The following SNX27 variants were observed in gnomAD, a reference collection of about 807,000 sequenced individuals.
SNX27 encodes the protein sorting nexin 27.
A neutral mutation model predicts 71.6 loss-of-function variants in SNX27; 22 were observed. The ratio of observed to expected loss-of-function variants is 0.31; its 90% CI spans 0.22 to 0.44. The LOEUF (loss-of-function observed/expected upper bound fraction) is 0.44. SNX27 is among the 20% of genes least tolerant of loss of function. SNX27 has a pLI of 1.00. For synonymous variants in SNX27, 269 were observed against 277.2 expected, an observed-to-expected ratio of 0.97 and a Z score of 0.29; for missense variants, 531 against 698.6, an observed-to-expected ratio of 0.76 and a Z score of 2.70.
At chr1:151,693,977 T>A in intron 11 of SNX27, 6 of 1,236,356 alleles carry the variant, frequency 4.9e-6, no homozygotes, top group Non-Finnish European at 6.1e-6. Context: ...AATTAGTTAC[T>A]TATTCTCAAA....
chr1:151,646,420 T>C (rs1669034110), intron 2 of SNX27, among the ~76,000 whole-genome samples: 1 of 151,850 alleles, frequency 6.6e-6, no homozygotes, highest in South Asian at 2.1e-4. Context: ...TCATTATTTA[T>C]TTTTTTCCTC....
intron 1 of SNX27, among the ~76,000 whole-genome samples, chr1:151,617,779 A>T (rs1229399467): frequency 6.6e-6 from 1 of 152,144 alleles, no homozygotes; most frequent in Non-Finnish European, 1.5e-5. Context: ...ATTTTATAAG[A>T]CAGGAAATGG....
intron 4 of SNX27, among the ~76,000 whole-genome samples, chr1:151,661,913 G>A (rs534577083): frequency 6.6e-6 from 1 of 152,190 alleles, no homozygotes; most frequent in Non-Finnish European, 1.5e-5. Flanking sequence ...ACTGTTTCAC[G>A]CAAGTTTCCT....
intron 1 of SNX27, among the ~76,000 whole-genome samples, chr1:151,634,980 G>T (rs1668404350): frequency 6.6e-6 from 1 of 152,152 alleles, no homozygotes; most frequent in African/African-American, 2.4e-5. Flanking sequence ...AAGAGAATTG[G>T]TGCTTCACTG....
At chr1:151,623,271 G>C (rs1167021872) in intron 1 of SNX27, among the ~76,000 whole-genome samples, 1 of 152,208 alleles carries the variant, frequency 6.6e-6, no homozygotes, top group Non-Finnish European at 1.5e-5. Context: ...CTCCCGAGTA[G>C]CTGGGACTAC....
chr1:151,652,905 C>T (rs1488369206), intron 2 of SNX27, among the ~76,000 whole-genome samples: 1 of 148,946 alleles, frequency 6.7e-6, no homozygotes, highest in African/African-American at 2.5e-5. Flanking sequence ...ACTGTTTTAT[C>T]TCTTGACATA....
intron 8 of SNX27, among the ~76,000 whole-genome samples, chr1:151,683,710 AG>A (rs1671069863): frequency 6.6e-6 from 1 of 152,120 alleles, no homozygotes; most frequent in African/African-American, 2.4e-5. Context: ...TCTGTTGCCC[AG>A]GCTGAAGTGC....
intron 11 of SNX27, 131 bp from the exon 12 acceptor site, chr1:151,694,239 G>A (rs1671596645): frequency 2.0e-6 from 3 of 1,466,506 alleles, no homozygotes; most frequent in Non-Finnish European, 2.7e-6. Flanking sequence ...TAGATGAGAA[G>A]TTATATCAAG....
Position 151,612,528 on chromosome 1 carries a change from A to ACCCGCCGCCCCATCCTC in SNX27, c.311+22_311+38dup, listed in dbSNP as rs2102579318. 1 of 1,337,414 alleles carries ACCCGCCGCCCCATCCTC rather than the reference A, an allele frequency of 7.5e-7. No individual in the cohort carries two copies. Among genetic ancestry groups the ACCCGCCGCCCCATCCTC allele is most frequent in the African/African-American group, 1.5e-5 (1 of 65,278 alleles). The allele number at this position is 1,337,414 out of a possible 1,614,324, so 82.8% of individuals were successfully genotyped here. A position where few individuals can be genotyped will look rare whatever the true frequency, so the allele number is the denominator to read the frequency against. The stretch of plus-strand genomic sequence containing the variant: ...TCCTGGAGGTGTGAGTATCGGGGCT[A>ACCCGCCGCCCCATCCTC]CCCGCCGCCCCATCCTCCCCGCGCC... On this transcript the variant is annotated intron_variant, in intron 1 of 11. Transcript: ENST00000458013. The surrounding 1 kb of genome is among the most constrained non-coding windows in gnomAD (Gnocchi z 5.2).
intron 7 of SNX27, among the ~76,000 whole-genome samples, chr1:151,671,864 C>A (rs929636294): frequency 6.6e-6 from 1 of 152,000 alleles, no homozygotes; most frequent in South Asian, 2.1e-4. Context: ...TATCCTGCAA[C>A]TTTACTGAAT....
chr1:151,645,982 G>A (rs1482289609), intron 2 of SNX27, among the ~76,000 whole-genome samples: 1 of 152,138 alleles, frequency 6.6e-6, no homozygotes, highest in African/African-American at 2.4e-5. Context: ...TTGAAATGGA[G>A]TTTTCAGTTC....
chr1:151,674,652 T>A (rs949428610), intron 7 of SNX27, among the ~76,000 whole-genome samples: 2 of 151,550 alleles, frequency 1.3e-5, no homozygotes, highest in Non-Finnish European at 2.9e-5. Context: ...GTCATCTGGT[T>A]CCAGGGAATA....
At chr1:151,629,031 GTGT>G (rs918010140) in intron 1 of SNX27, among the ~76,000 whole-genome samples, 1 of 151,832 alleles carries the variant, frequency 6.6e-6, no homozygotes, top group Non-Finnish European at 1.5e-5. Flanking sequence ...ATGCTTTTTG[GTGT>G]TGTAGCTGAG....
chr1:151,692,421 T>TTC lies in SNX27; in HGVS notation c.1240-13_1240-12insCT, dbSNP rs768575277. 2 of 1,395,788 alleles carry TTC rather than the reference T, an allele frequency of 1.4e-6. No homozygotes were observed. The highest frequency in any genetic ancestry group is 3.1e-5 in the Admixed American group (1 of 32,760). The allele number at this position is 1,395,788 out of a possible 1,614,324, so 86.5% of individuals were successfully genotyped here. ...TTTCTCCTTCCTTTTTTTTTTTTTT[T>TTC]TTTTTTTTTTTAGTACCTCAACATG... On this transcript the variant is annotated splice_polypyrimidine_tract_variant and intron_variant, in intron 8 of 11. Coordinates refer to ENST00000458013, the MANE Select transcript of SNX27 (RefSeq NM_001330723.2).
At chr1:151,672,191 G>T (rs2102701661) in intron 7 of SNX27, among the ~76,000 whole-genome samples, 1 of 151,976 alleles carries the variant, frequency 6.6e-6, no homozygotes, top group South Asian at 2.1e-4. Flanking sequence ...GTTTTTTGAG[G>T]GGTTTTTATT....
At chr1:151,692,064 G>T (rs1671477756) in intron 8 of SNX27, among the ~76,000 whole-genome samples, 1 of 152,010 alleles carries the variant, frequency 6.6e-6, no homozygotes, top group Admixed American at 6.6e-5. Flanking sequence ...GCTGGGTATG[G>T]TGGTGTGTGC....
At chr1:151,616,689 A>T (rs1667440457) in intron 1 of SNX27, among the ~76,000 whole-genome samples, 1 of 152,174 alleles carries the variant, frequency 6.6e-6, no homozygotes, top group South Asian at 2.1e-4. Context: ...TTGCAACTGA[A>T]TTCTATTTGA....
rs1437358070 is a variant in SNX27, at chr1:151,612,695, C to G, written c.311+183C>G. On this transcript the variant is annotated intron_variant, in intron 1 of 11. Transcript: ENST00000458013. This position sits in a 1 kb window ranked among gnomAD's most constrained non-coding sequence, Gnocchi z 5.2. ...TGGGCTGCCCTCCCACCACCCGCCC[C>G]GGGGCTTCTGCGACGCCGGTCTCCC... Among the ~76,000 whole-genome samples the G allele has an allele frequency of 6.6e-6, 1 of 152,234 alleles. No individual in the cohort carries two copies. Among genetic ancestry groups the G allele is most frequent in the South Asian group, 2.1e-4 (1 of 4,828 alleles).
chr1:151,668,043 G>GTTTTCAGCTGA (rs1454819977), intron 6 of SNX27, among the ~76,000 whole-genome samples: 2 of 152,146 alleles, frequency 1.3e-5, no homozygotes, highest in Non-Finnish European at 2.9e-5. Flanking sequence ...GATTCTGCTG[G>GTTTTCAGCTGA]TTTTCAGCTG....
Sources: gnomAD v4.1 joint callset for allele counts (sites outside exome capture counted in the v4.1 genomes callset) on GRCh38, gnomAD v4.1.1 for gene constraint, Gnocchi (gnomAD v3.1) non-coding constraint, MANE v1.5 for transcripts, NCBI Gene and HGNC (gene_info 2026-07-23, HGNC 2026-07-21) for gene names.